Variants in MYZAP observed in about 807,000 individuals in gnomAD.
The protein encoded by MYZAP is GRINL1A complex locus upstream.
A neutral mutation model predicts 69.4 loss-of-function variants in MYZAP; 66 were observed. That is an observed-to-expected ratio of 0.95 (90% confidence interval 0.78 to 1.17). The LOEUF (loss-of-function observed/expected upper bound fraction) is 1.17. Among genes scored for constraint, MYZAP ranks in the 50% most tolerant of loss-of-function variants. The pLI, the probability that MYZAP is intolerant of heterozygous loss-of-function variation, is 0.00. For synonymous variants in MYZAP, 256 were observed against 205.9 expected, an observed-to-expected ratio of 1.24 and a Z score of -2.09; for missense variants, 611 against 556.2, an observed-to-expected ratio of 1.10 and a Z score of -0.99.
chr15:57,640,939 A>G (rs1227496886), intron 10 of MYZAP, among the ~76,000 whole-genome samples: 1 of 152,242 alleles, frequency 6.6e-6, no homozygotes, highest in African/African-American at 2.4e-5. Context: ...GGTAGATGTC[A>G]GGAGTGTATT....
At chr15:57,599,318 A>G (rs573454097) in intron 1 of MYZAP, 49 of 298,852 alleles carry the variant, frequency 1.6e-4, no homozygotes, top group Non-Finnish European at 1.8e-4. Context: ...TTGTTTGGGT[A>G]TATTTCTAGA....
At chr15:57,629,898 C>T (rs1357033826) in intron 6 of MYZAP, 44 bp downstream of exon 6, 11 of 1,586,426 alleles carry the variant, frequency 6.9e-6, no homozygotes, top group Non-Finnish European at 9.4e-6. Context: ...AACTTTTCTC[C>T]TCTTTACTTC....
Position 57,674,969 on chromosome 15 carries a change from A to G in MYZAP, c.1205A>G (p.Asn402Ser), listed in dbSNP as rs2140629917. The G allele has an allele frequency of 2.5e-6, 4 of 1,611,318 alleles. No individual in the cohort carries two copies. The highest frequency in any genetic ancestry group is 3.4e-6 in the Non-Finnish European group (4 of 1,178,948). The change falls in exon 12 of 13, where the codon AAT becomes AGT. Residue 402 changes from asparagine (N) to serine (S), a missense_variant and splice_region_variant. Coordinates refer to ENST00000267853, the MANE Select transcript of MYZAP (RefSeq NM_001018100.5). Reference sequence around the variant, plus strand: ...AGTACCTTTTTTTCTCATCTCCAGAATAATGAACTACAAAGCAGGTTGGAC... The same window carrying G: ...AGTACCTTTTTTTCTCATCTCCAGAGTAATGAACTACAAAGCAGGTTGGAC... The part of the protein sequence containing the change: ...LEKISFLEGE[N>S]NELQSRLDYL...
Position 57,593,212 on chromosome 15 carries a change from A to ACACACACACACACC in MYZAP, c.75+1106_75+1107insACACACACACCCAC, listed in dbSNP as rs770540454. On this transcript the variant is annotated intron_variant, in intron 1 of 12. Transcript: ENST00000267853. ...CGCACACACACACACACACACACAC[A>ACACACACACACACC]CACCCCAGAATCCATCAGTTGGCTC... Among the ~76,000 whole-genome samples, 25 of 124,988 alleles carry ACACACACACACACC rather than the reference A, an allele frequency of 2.0e-4. 1 individual carries two copies. Among genetic ancestry groups the ACACACACACACACC allele is most frequent in the African/African-American group, 8.1e-4 (24 of 29,490 alleles). The allele number at this position is 124,988 out of a possible 152,430, so 82.0% of individuals were successfully genotyped here.
At chr15:57,676,538 A>G (rs2039143691) in intron 12 of MYZAP, among the ~76,000 whole-genome samples, 2 of 151,032 alleles carry the variant, frequency 1.3e-5, no homozygotes, top group African/African-American at 2.4e-5. Context: ...ACCAAAAAGA[A>G]CGATCAATTG....
At chr15:57,648,435 G>C (rs2037558972) in intron 10 of MYZAP, 5 of 985,208 alleles carry the variant, frequency 5.1e-6, no homozygotes, top group African/African-American at 1.7e-5. Context: ...TCATGTTTTG[G>C]GTCACTACCA....
chr15:57,627,378 A>AGGGAGG (rs749497250), intron 5 of MYZAP, among the ~76,000 whole-genome samples: 6 of 47,480 alleles, frequency 1.3e-4, no homozygotes, highest in Non-Finnish European at 1.8e-4. Context: ...AGAGAGGGAG[A>AGGGAGG]GGGAGGGGGA....
intron 12 of MYZAP, among the ~76,000 whole-genome samples, chr15:57,682,574 C>T (rs756322193): frequency 3.9e-5 from 6 of 152,128 alleles, no homozygotes; most frequent in East Asian, 1.9e-4. Context: ...AGTCAACCCT[C>T]GATAGTACCA....
chr15:57,624,562 G>A (rs1329879967), intron 4 of MYZAP, among the ~76,000 whole-genome samples: 3 of 152,208 alleles, frequency 2.0e-5, no homozygotes, highest in Admixed American at 6.5e-5. Flanking sequence ...TGCCATGACT[G>A]TCAGACACCA....
intron 8 of MYZAP, among the ~76,000 whole-genome samples, chr15:57,636,393 C>A (rs937864471): frequency 2.6e-5 from 4 of 152,146 alleles, no homozygotes; most frequent in Non-Finnish European, 5.9e-5. Flanking sequence ...GCTTCCCCAC[C>A]CCTTTGGCCT....
At chr15:57,680,131 C>T (rs565492501) in intron 12 of MYZAP, among the ~76,000 whole-genome samples, 17 of 152,186 alleles carry the variant, frequency 1.1e-4, no homozygotes, top group South Asian at 4.2e-4. Context: ...GGAAGTGCCC[C>T]GCCTTTTCAT....
intron 2 of MYZAP, among the ~76,000 whole-genome samples, chr15:57,614,288 C>T (rs1382620170): frequency 1.3e-5 from 2 of 152,142 alleles, no homozygotes; most frequent in African/African-American, 2.4e-5. Context: ...CTGGGAATTA[C>T]GGTGGAAAAG....
At chr15:57,653,288 CATTACATT>C (rs2037818624) in intron 10 of MYZAP, among the ~76,000 whole-genome samples, 1 of 152,050 alleles carries the variant, frequency 6.6e-6, no homozygotes, top group Admixed American at 6.5e-5. Flanking sequence ...AAGTTTATGC[CATTACATT>C]ATTTGAAAAT....
chr15:57,671,701 T>C (rs2038876063), intron 11 of MYZAP, among the ~76,000 whole-genome samples: 1 of 152,234 alleles, frequency 6.6e-6, no homozygotes, highest in South Asian at 2.1e-4. Flanking sequence ...ATTCAGGTAT[T>C]GTACTTTCCT....
chr15:57,661,729 T>G (rs572189551), intron 11 of MYZAP, among the ~76,000 whole-genome samples, 196 bp downstream of exon 11: 1 of 152,326 alleles, frequency 6.6e-6, no homozygotes, highest in Admixed American at 6.5e-5. Flanking sequence ...TCATTCCAGT[T>G]GCTGCTGACT....
Position 57,637,719 on chromosome 15 carries a change from C to A in MYZAP, c.958C>A (p.Leu320Ile). The A allele has an allele frequency of 6.2e-7, 1 of 1,613,194 alleles. No homozygotes were observed. ...GGAACGTCATCAACTGCAACTTCAA[C>A]TCCTAGAACATGAAACAGAAATGTC... is the stretch of plus-strand genomic sequence containing the variant. ...EKERHQLQLQ[L>I]LEHETEMSGE... Residue 320 changes from leucine (L) to isoleucine (I), a missense_variant, in exon 9 of 13, where the codon CTC (leucine) becomes ATC (isoleucine). By Grantham distance (5) the Leu-to-Ile change is conservative. Coordinates refer to ENST00000267853, the MANE Select transcript of MYZAP (RefSeq NM_001018100.5).
intron 10 of MYZAP, among the ~76,000 whole-genome samples, chr15:57,654,303 C>T (rs553485186): frequency 4.6e-5 from 7 of 151,936 alleles, no homozygotes; most frequent in South Asian, 2.1e-4. Context: ...TTTGTTTCAG[C>T]GGGAAACTCC....
chr15:57,651,264 T>A (rs189568284), intron 10 of MYZAP, among the ~76,000 whole-genome samples: 10 of 152,344 alleles, frequency 6.6e-5, no homozygotes, highest in African/African-American at 1.9e-4. Flanking sequence ...TACATGAATT[T>A]GAAGCAGTTC....
In MYZAP at chr15:57,592,089, C is replaced by G; in HGVS notation, c.55C>G (p.Pro19Ala). The change falls in exon 1 of 13, where the codon CCC becomes GCC. Residue 19 changes from proline to alanine, a missense_variant. Coordinates refer to ENST00000267853, the MANE Select transcript of MYZAP (RefSeq NM_001018100.5). ...TLLSGGAART[P>A]GAPSRRANVC... is the part of the protein sequence containing the mutation. ...GCTCTCGGGCGGCGCCGCCAGGACG[C>G]CCGGGGCGCCCAGCAGGAGGGTGAG... The G allele has an allele frequency of 7.3e-7, 1 of 1,373,098 alleles. No individual in the cohort carries two copies. Among genetic ancestry groups the G allele is most frequent in the Admixed American group, 3.5e-5 (1 of 28,470 alleles). 85.1% of individuals were successfully genotyped at this position (1,373,098 alleles called of 1,614,324 possible).
Sources: gnomAD v4.1 joint callset for allele counts (sites outside exome capture counted in the v4.1 genomes callset) on GRCh38, gnomAD v4.1.1 for gene constraint, MANE v1.5 for transcripts, NCBI Gene and HGNC (gene_info 2026-07-23, HGNC 2026-07-21) for gene names.